Variants in CCDC191 observed in about 807,000 individuals in gnomAD.
CCDC191 encodes the protein coiled-coil domain-containing protein 191.
In CCDC191, 99 loss-of-function variants were observed where a neutral mutation model predicts 114.0. The observed-to-expected ratio is 0.87, with a 90% CI of 0.74 to 1.03. The LOEUF is 1.03. CCDC191 is among the 50% of genes least tolerant of loss of function. The pLI is 0.00. For missense variants in CCDC191, 973 were observed against 1,087.0 expected (o/e 0.90, Z 1.47); for synonymous variants, 351 against 376.0 (o/e 0.93, Z 0.77).
chr3:114,016,489 T>C (rs968768593), intron 8 of CCDC191, among the ~76,000 whole-genome samples: 2 of 152,224 alleles, frequency 1.3e-5, no homozygotes, highest in Non-Finnish European at 1.5e-5. Flanking sequence ...CAGATGATCC[T>C]TGAGGTGCCT....
chr3:113,980,691 G>A lies in CCDC191; in HGVS notation c.2266C>T (p.Pro756Ser), dbSNP rs1290396756. 14 of 1,608,026 alleles carry A rather than the reference G, an allele frequency of 8.7e-6. No homozygotes were observed. The highest frequency in any genetic ancestry group is 2.2e-5 in the East Asian group (1 of 44,676). Residue 756 changes from proline to serine, a missense_variant, in exon 14 of 17, where the codon CCT becomes TCT. Physicochemically the swap from Pro to Ser is moderately conservative, Grantham distance 74. Transcript: ENST00000295878. ...RVLLRKKGLE[P>S]WKRLRMQSKQ... ...CTTTGCATTCTCAATCTCTTCCAAG[G>A]CTCTAGACCTTTTTTCCTTAGCAAG...
chr3:114,016,306 CAAGTT>C (rs2076157173), intron 8 of CCDC191, among the ~76,000 whole-genome samples: 2 of 152,186 alleles, frequency 1.3e-5, no homozygotes, highest in African/African-American at 4.8e-5. Context: ...AAAACCCTAT[CAAGTT>C]AAATTGCAGG....
At chr3:114,017,121 T>A (rs1240254784) in intron 8 of CCDC191, among the ~76,000 whole-genome samples, 1 of 150,976 alleles carries the variant, frequency 6.6e-6, no homozygotes, top group African/African-American at 2.4e-5. Context: ...TTTTTTTTTT[T>A]AACCAAAGAC....
At chr3:114,023,558 T>A (rs1428347735) in intron 7 of CCDC191, among the ~76,000 whole-genome samples, 2 of 152,190 alleles carry the variant, frequency 1.3e-5, no homozygotes, top group East Asian at 3.9e-4. Context: ...GTGACATATG[T>A]ACAACTATCT....
chr3:114,014,678 G>A (rs60217854), intron 8 of CCDC191, among the ~76,000 whole-genome samples: 4,764 of 152,146 alleles, frequency 0.031, 270 homozygotes, highest in African/African-American at 0.11. Flanking sequence ...TTCAGAAGGT[G>A]GGTCCCATGA....
At chr3:114,054,996 T>C (rs145387635) in intron 1 of CCDC191, among the ~76,000 whole-genome samples, 253 of 151,448 alleles carry the variant, frequency 1.7e-3, no homozygotes, top group Non-Finnish European at 1.5e-3. Context: ...TACTCAAATA[T>C]ACTCTTTAAA....
In CCDC191 at chr3:114,010,981, G is replaced by T. The variant is rs2076060125; in HGVS notation, c.1204C>A (p.Leu402Ile). 1.9e-6 allele frequency: 3 copies of T among 1,613,862 alleles called. No individual in the cohort carries two copies. The highest frequency in any genetic ancestry group is 2.5e-6 in the Non-Finnish European group (3 of 1,179,872). Residue 402 changes from leucine (L) to isoleucine (I), a missense_variant, in exon 9 of 17, where the codon CTC becomes ATC. Physicochemically the swap from Leu to Ile is conservative, Grantham distance 5 (BLOSUM62 2). Coordinates refer to ENST00000295878, the MANE Select transcript of CCDC191 (RefSeq NM_020817.2). ...LATEYNRKQV[L>I]RHCFTEWQHW... ...TGCCATTCTGTAAAGCAGTGTCGGA[G>T]AACTTGTTTCCGGTTATACTCAGTG...
intron 6 of CCDC191, among the ~76,000 whole-genome samples, chr3:114,033,086 CT>C (rs79462907): frequency 0.15 from 21,822 of 143,958 alleles, 2,122 homozygotes; most frequent in African/African-American, 0.29. Flanking sequence ...ATCCATATTT[CT>C]TTTTTTTTTT....
At chr3:113,986,812 C>G (rs969301379) in intron 13 of CCDC191, among the ~76,000 whole-genome samples, 1 of 152,130 alleles carries the variant, frequency 6.6e-6, no homozygotes, top group Non-Finnish European at 1.5e-5. Flanking sequence ...CGCTCTCTCC[C>G]TCTCCCCTCT....
chr3:114,021,507 A>G (rs181634605), intron 7 of CCDC191, among the ~76,000 whole-genome samples: 4 of 152,248 alleles, frequency 2.6e-5, no homozygotes, highest in African/African-American at 7.2e-5. Flanking sequence ...TTCTTGATTC[A>G]TAGCAAACAT....
intron 16 of CCDC191, among the ~76,000 whole-genome samples, chr3:113,968,529 A>G (rs1940458937): frequency 6.7e-6 from 1 of 148,188 alleles, no homozygotes; most frequent in Non-Finnish European, 1.5e-5. Flanking sequence ...GTTCACTTCT[A>G]CCTTCACCTC....
Position 114,034,071 on chromosome 3 carries a change from G to T in CCDC191, c.818+854C>A, listed in dbSNP as rs889958775. ...ATTTCACTTATGAAGCTCATTTTCT[G>T]CATGAGGATGGATAATAGTACTACA... On this transcript the variant is annotated intron_variant, in intron 6 of 16. Coordinates refer to ENST00000295878, the MANE Select transcript of CCDC191 (RefSeq NM_020817.2). Among the ~76,000 whole-genome samples the T allele has an allele frequency of 3.3e-5, 5 of 152,174 alleles. No homozygotes were observed. In the South Asian group the frequency reaches 1.0e-3, roughly 32 times the overall value.
At chr3:114,009,512 T>C (rs900987522) in intron 9 of CCDC191, among the ~76,000 whole-genome samples, 1 of 152,160 alleles carries the variant, frequency 6.6e-6, no homozygotes, top group African/African-American at 2.4e-5. Context: ...AGCCAAGGAC[T>C]ACACAGGGTC....
intron 4 of CCDC191, 138 bp downstream of exon 4, chr3:114,042,565 T>C (rs528318049): frequency 3.1e-5 from 19 of 606,606 alleles, no homozygotes; most frequent in South Asian, 2.4e-4. Flanking sequence ...TTAACCATGA[T>C]AAATTAAAAC....
intron 13 of CCDC191, 68 bp downstream of exon 13, chr3:114,001,527 G>T: frequency 6.4e-7 from 1 of 1,568,712 alleles, no homozygotes; most frequent in Non-Finnish European, 8.6e-7. Context: ...AAAGAAGGTG[G>T]ATAGGGCCAC....
At position 113,993,645 on chromosome 3, in the gene CCDC191, C is replaced by T. The variant is rs538735146; in HGVS notation, c.2163+7950G>A. 2.0e-5 allele frequency among the ~76,000 whole-genome samples: 3 copies of T among 151,994 alleles called. 1 individual carries two copies. In the South Asian group the frequency reaches 6.2e-4, roughly 32 times the overall value. ...CTGTAATCCCAATACTGCACTTTGGCAGGCTGAGGTGGGTGGATCACTTGA... is the reference window on the plus strand; with the variant it reads ...CTGTAATCCCAATACTGCACTTTGGTAGGCTGAGGTGGGTGGATCACTTGA... On this transcript the variant is annotated intron_variant, in intron 13 of 16. Transcript: ENST00000295878.
intron 7 of CCDC191, among the ~76,000 whole-genome samples, chr3:114,027,434 T>G (rs1175281493): frequency 1.4e-5 from 2 of 140,158 alleles, no homozygotes; most frequent in Non-Finnish European, 3.1e-5. Context: ...GCCAACATGG[T>G]GAAACTCCGT....
At position 114,031,761 on chromosome 3, in the gene CCDC191, T is replaced by C. The variant is rs1163430770; in HGVS notation, c.837A>G (p.Glu279=). The C allele has an allele frequency of 2.1e-6, 3 of 1,402,990 alleles. No homozygotes were observed. The highest frequency in any genetic ancestry group is 1.4e-5 in the African/African-American group (1 of 70,506). 86.9% of individuals were successfully genotyped at this position (1,402,990 alleles called of 1,614,324 possible). A position where few individuals can be genotyped will look rare whatever the true frequency, so the allele number is the denominator to read the frequency against. Reference sequence around the variant, plus strand: ...TTTCTGAACTATTTTGAGAATTCTCTTCTTGCCTTTTCTTCTCTCTATTAA... The same window carrying C: ...TTTCTGAACTATTTTGAGAATTCTCCTCTTGCCTTTTCTTCTCTCTATTAA... The part of the protein sequence containing the change: ...AAWKIEKKRQ[E]ENSQNSSEKV... The change falls in exon 7 of 17, where the codon GAA becomes GAG. Residue 279 remains glutamate, a synonymous_variant. Transcript: ENST00000295878.
chr3:114,035,089 G>A lies in CCDC191; in HGVS notation c.654C>T (p.Thr218=). The stretch of plus-strand genomic sequence containing the variant: ...CCTCCAAGAAGGCCGATTTTTTCAG[G>A]GTCTTTTCTATTCTCTGGTACTCCA... The part of the protein sequence containing the change: ...KELEYQRIEK[T]LKKSAFLEAQ... The change falls in exon 6 of 17, where the codon ACC becomes ACT. Residue 218 remains threonine (T), a synonymous_variant. Coordinates refer to ENST00000295878, the MANE Select transcript of CCDC191 (RefSeq NM_020817.2). The A allele has an allele frequency of 6.2e-7, 1 of 1,613,760 alleles. No individual in the cohort carries two copies. The highest frequency in any genetic ancestry group is 8.5e-7 in the Non-Finnish European group (1 of 1,179,938).
Sources: allele counts gnomAD v4.1 joint callset (sites outside exome capture counted in the v4.1 genomes callset), GRCh38; gene constraint gnomAD v4.1.1; transcripts MANE v1.5; gene names NCBI Gene and HGNC (gene_info 2026-07-23, HGNC 2026-07-21).